VAV3: variants seen among roughly 807,000 people sequenced by gnomAD.
VAV3 encodes the protein vav guanine nucleotide exchange factor 3.
A neutral mutation model predicts 131.2 loss-of-function variants in VAV3; 94 were observed. That is an observed-to-expected ratio of 0.72 (90% confidence interval 0.61 to 0.85). The LOEUF (loss-of-function observed/expected upper bound fraction) is 0.85. VAV3 is among the 40% of genes least tolerant of loss of function. VAV3 has a pLI of 0.00. For synonymous variants in VAV3, 349 were observed against 342.0 expected (o/e 1.02, Z -0.22); for missense variants, 939 against 1,002.7 (o/e 0.94, Z 0.86).
At chr1:107,705,526 T>C (rs971384664) in intron 15 of VAV3, among the ~76,000 whole-genome samples, 2 of 152,210 alleles carry the variant, frequency 1.3e-5, no homozygotes, top group African/African-American at 4.8e-5. Flanking sequence ...AGTAATTTTA[T>C]AGAAAGTTTT....
chr1:107,611,092 T>C (rs947974465), intron 21 of VAV3, among the ~76,000 whole-genome samples: 1 of 152,164 alleles, frequency 6.6e-6, no homozygotes, highest in Admixed American at 6.6e-5. Flanking sequence ...ATTTTGGATT[T>C]AAAAAAATTA....
At chr1:107,771,020 A>G (rs1019178347) in intron 5 of VAV3, among the ~76,000 whole-genome samples, 1 of 152,224 alleles carries the variant, frequency 6.6e-6, no homozygotes, top group African/African-American at 2.4e-5. Context: ...ATGGTGTATG[A>G]TTATTTCCTT....
chr1:107,733,612 G>C (rs187687166), intron 15 of VAV3, among the ~76,000 whole-genome samples: 1 of 152,108 alleles, frequency 6.6e-6, no homozygotes, highest in Non-Finnish European at 1.5e-5. Flanking sequence ...TTCGGTAGCC[G>C]ATTCAATCAA....
chr1:107,693,684 A>C (rs1659575518), intron 17 of VAV3, among the ~76,000 whole-genome samples: 1 of 152,194 alleles, frequency 6.6e-6, no homozygotes, highest in Non-Finnish European at 1.5e-5. Flanking sequence ...TGGTTGAAAT[A>C]GTCCTATTAT....
intron 19 of VAV3, among the ~76,000 whole-genome samples, chr1:107,657,292 T>C (rs1477314185): frequency 2.0e-5 from 3 of 152,140 alleles, no homozygotes; most frequent in Admixed American, 6.6e-5. Context: ...CTTCAGCTTA[T>C]GAAACAAAAC....
chr1:107,670,459 T>C (rs759291862), intron 19 of VAV3, among the ~76,000 whole-genome samples: 8 of 152,172 alleles, frequency 5.3e-5, no homozygotes, highest in Non-Finnish European at 1.2e-4. Context: ...TTAAAACCTT[T>C]GCAAATGAAG....
chr1:107,897,555 A>G (rs1166714008), intron 1 of VAV3, among the ~76,000 whole-genome samples: 1 of 152,042 alleles, frequency 6.6e-6, no homozygotes, highest in Non-Finnish European at 1.5e-5. Context: ...CCAGGGTCGC[A>G]GTTTAGTCAA....
In VAV3 at chr1:107,766,508, C is replaced by T. The variant is rs1308147421; in HGVS notation, c.760G>A (p.Asp254Asn). The change falls in exon 8 of 27, where the codon GAT becomes AAT. Residue 254 changes from aspartate (D) to asparagine (N), a missense_variant. Physicochemically the swap from Asp to Asn is conservative, Grantham distance 23. Transcript: ENST00000370056. ...LHRNLMQEIH[D>N]SIVNKNDQNL... ...TGGTCATTTTTATTTACAATGGAAT[C>T]ATGAATCTCTTGCATTAGGTTCCGA... 3.7e-6 allele frequency: 6 copies of T among 1,613,440 alleles called. No individual in the cohort carries two copies. Among genetic ancestry groups the T allele is most frequent in the Non-Finnish European group, 4.2e-6 (5 of 1,179,768 alleles).
chr1:107,719,975 C>T (rs796299055), intron 15 of VAV3, among the ~76,000 whole-genome samples: 45 of 152,228 alleles, frequency 3.0e-4, no homozygotes, highest in African/African-American at 9.4e-4. Context: ...AACCAAACAC[C>T]GCATTTTCTC....
At chr1:107,630,289 C>T (rs534401329) in intron 20 of VAV3, among the ~76,000 whole-genome samples, 3 of 152,026 alleles carry the variant, frequency 2.0e-5, no homozygotes, top group African/African-American at 7.2e-5. Flanking sequence ...ACATAGTAGG[C>T]ACTTTATAAG....
chr1:107,575,005 GCGCGCGCGCGCACACGC>G, intron 25 of VAV3, among the ~76,000 whole-genome samples: 1 of 39,504 alleles, frequency 2.5e-5, no homozygotes, highest in African/African-American at 8.2e-5. Flanking sequence ...GTGCGTGCGC[GCGCGCGCGCGCACACGC>G]GCGCGTGTTT....
chr1:107,619,882 C>T (rs576901728), intron 20 of VAV3, among the ~76,000 whole-genome samples: 9 of 152,254 alleles, frequency 5.9e-5, no homozygotes, highest in African/African-American at 1.9e-4. Context: ...TCAGAGCAAA[C>T]CTGATGCAGA....
chr1:107,612,044 T>C (rs1296822628), intron 21 of VAV3, among the ~76,000 whole-genome samples: 2 of 152,194 alleles, frequency 1.3e-5, no homozygotes, highest in East Asian at 1.9e-4. Context: ...CCCAGCACCA[T>C]AGTCCATTAA....
Position 107,749,587 on chromosome 1 carries a change from AG to A in VAV3, c.1266del (p.Phe423SerfsTer7). 1.2e-6 allele frequency: 2 copies of A among 1,609,448 alleles called. No homozygotes were observed. The highest frequency in any genetic ancestry group is 2.2e-5 in the South Asian group (2 of 89,932). On this transcript the variant is annotated frameshift_variant, in exon 14 of 27. Coordinates refer to ENST00000370056, the MANE Select transcript of VAV3 (RefSeq NM_006113.5). LOFTEE classifies it high-confidence loss of function. The stretch of plus-strand genomic sequence containing the variant: ...ACGATCACTGCCAAATCAAATAAGA[AG>A]ATATGCCTGGGAAAAAGAGATTGAT... Reference protein sequence around the residue: ...LDKHTKQERHIFLFDLAVIVC... With the variant: ...LDKHTKQERHXFLFDLAVIVC...
intron 20 of VAV3, among the ~76,000 whole-genome samples, chr1:107,629,546 A>T (rs1654290491): frequency 6.6e-6 from 1 of 152,162 alleles, no homozygotes; most frequent in African/African-American, 2.4e-5. Context: ...ACGTGCCCCA[A>T]ATGGCCAATT....
At chr1:107,772,258 A>G (rs1337580790) in intron 5 of VAV3, among the ~76,000 whole-genome samples, 2 of 152,224 alleles carry the variant, frequency 1.3e-5, no homozygotes, top group African/African-American at 4.8e-5. Context: ...TTTATAAATG[A>G]GTAGGAAAGC....
intron 2 of VAV3, among the ~76,000 whole-genome samples, chr1:107,858,149 C>T (rs1306956227): frequency 1.3e-5 from 2 of 152,060 alleles, no homozygotes; most frequent in Non-Finnish European, 2.9e-5. Context: ...GATATACCAC[C>T]ACCAGAATTT....
At chr1:107,707,961 T>C (rs1456386987) in intron 15 of VAV3, among the ~76,000 whole-genome samples, 1 of 152,252 alleles carries the variant, frequency 6.6e-6, no homozygotes, top group Non-Finnish European at 1.5e-5. Flanking sequence ...GATACATCAC[T>C]AGGCTCTTCA....
intron 7 of VAV3, among the ~76,000 whole-genome samples, chr1:107,767,204 C>G (rs1310017741): frequency 2.0e-5 from 3 of 152,098 alleles, no homozygotes; most frequent in Non-Finnish European, 2.9e-5. Flanking sequence ...AAATTGTATT[C>G]GACAGTTTAC....
Sources: gnomAD v4.1 joint callset for allele counts (sites outside exome capture counted in the v4.1 genomes callset) on GRCh38, gnomAD v4.1.1 for gene constraint, MANE v1.5 for transcripts, NCBI Gene and HGNC (gene_info 2026-07-23, HGNC 2026-07-21) for gene names.